CHD1L: variants seen among roughly 807,000 people sequenced by gnomAD.
CHD1L encodes ATP-dependent chromatin remodeler CHD1L.
Under a neutral mutation model 115.9 loss-of-function variants are expected in CHD1L, and 118 were observed. The observed-to-expected ratio is 1.02, with a 90% CI of 0.88 to 1.19. CHD1L has a LOEUF of 1.19. Among genes scored for constraint, CHD1L ranks in the 50% most tolerant of loss-of-function variants. The pLI is 0.00. For synonymous variants in CHD1L, 411 were observed against 387.1 expected, an observed-to-expected ratio of 1.06 and a Z score of -0.72; for missense variants, 1,179 against 1,065.3, an observed-to-expected ratio of 1.11 and a Z score of -1.49.
intron 7 of CHD1L, 128 bp downstream of exon 7, chr1:147,264,712 CT>C (rs1673223773): frequency 3.4e-6 from 3 of 889,604 alleles, no homozygotes. Context: ...AGACAGACCG[CT>C]GATATTAGGG....
intron 20 of CHD1L, among the ~76,000 whole-genome samples, chr1:147,292,702 C>T (rs7519713): frequency 0.04 from 6,160 of 152,272 alleles, 169 homozygotes; most frequent in South Asian, 0.097. Flanking sequence ...GTGTATCACA[C>T]ATGGCAAGAG....
chr1:147,180,413 T>G, the CHD1L span, among the ~76,000 whole-genome samples: 1 of 152,112 alleles, frequency 6.6e-6, no homozygotes, highest in African/African-American at 2.4e-5. Context: ...TGCCTCAGCC[T>G]CCTGAGTAGC....
At chr1:147,196,472 C>T in the CHD1L span, among the ~76,000 whole-genome samples, 4 of 151,646 alleles carry the variant, frequency 2.6e-5, no homozygotes, top group African/African-American at 9.7e-5. Flanking sequence ...GTGGGAGACA[C>T]CCAATTCATA....
intron 19 of CHD1L, among the ~76,000 whole-genome samples, chr1:147,288,194 G>A (rs901947786): frequency 6.6e-6 from 1 of 151,782 alleles, no homozygotes; most frequent in Non-Finnish European, 1.5e-5. Context: ...ATGTGGTGGT[G>A]CATGCCCGTA....
In CHD1L at chr1:147,257,389, CTAG is replaced by C. The variant is rs3835482; in HGVS notation, c.494+830_494+832del. On this transcript the variant is annotated intron_variant, in intron 5 of 22. Coordinates refer to ENST00000369258, the MANE Select transcript of CHD1L (RefSeq NM_004284.6). ...AGGTCATAGATTTCATGACTTCTAT[CTAG>C]TATTTCATTTAAGTGAGCATATTAT... Among the ~76,000 whole-genome samples the C allele has an allele frequency of 6.2e-4, 94 of 152,054 alleles. No individual in the cohort carries two copies. In the East Asian group the frequency reaches 0.017, roughly 28 times the overall value.
the CHD1L span, among the ~76,000 whole-genome samples, chr1:147,193,396 T>G: frequency 2.0e-5 from 3 of 152,152 alleles, no homozygotes; most frequent in Admixed American, 2.0e-4. Context: ...GATTCTTCTC[T>G]TTTCTTCTTT....
chr1:147,203,823 T>C, the CHD1L span: 1 of 1,558,840 alleles, frequency 6.4e-7, no homozygotes, highest in Non-Finnish European at 8.8e-7. Context: ...GTAGAAATGA[T>C]GCCATCTTCC....
intron 11 of CHD1L, 61 bp downstream of exon 11, chr1:147,271,066 TC>T: frequency 7.5e-7 from 1 of 1,333,884 alleles, no homozygotes; most frequent in African/African-American, 1.4e-5. Context: ...TCCAGATAGG[TC>T]CATGAAGAAT....
At chr1:147,263,245 TAGTG>T (rs1316959267) in intron 6 of CHD1L, among the ~76,000 whole-genome samples, 2 of 151,888 alleles carry the variant, frequency 1.3e-5, no homozygotes, top group African/African-American at 2.4e-5. Flanking sequence ...CTGGGCAACA[TAGTG>T]AGACCTTGTC....
the CHD1L span, chr1:147,204,128 C>T: frequency 2.6e-5 from 28 of 1,059,462 alleles, no homozygotes; most frequent in Non-Finnish European, 4.0e-5. Context: ...TTCTCCCTTA[C>T]TTAAATTCAT....
upstream of CHD1L, among the ~76,000 whole-genome samples, chr1:147,239,869 C>T (rs1664714968): frequency 6.6e-6 from 1 of 152,144 alleles, no homozygotes; most frequent in Non-Finnish European, 1.5e-5. Flanking sequence ...GATAAGTCTA[C>T]TGGTAGAATC....
chr1:147,233,046 G>T, the CHD1L span, among the ~76,000 whole-genome samples: 7 of 152,158 alleles, frequency 4.6e-5, 1 homozygote, highest in Middle Eastern at 0.014. Flanking sequence ...TCCCATCTAG[G>T]AAGTGAGGAG....
intron 12 of CHD1L, among the ~76,000 whole-genome samples, chr1:147,273,066 A>G (rs1010761615): frequency 6.6e-6 from 1 of 152,048 alleles, no homozygotes; most frequent in Non-Finnish European, 1.5e-5. Context: ...AGCTGGATGT[A>G]GTGGTGCGTG....
the CHD1L span, chr1:147,179,321 C>T: frequency 6.2e-7 from 1 of 1,606,664 alleles, no homozygotes; most frequent in South Asian, 1.1e-5. Context: ...GAATTTTATG[C>T]CCCTTGGTGT....
At chr1:147,209,470 A>T in the CHD1L span, among the ~76,000 whole-genome samples, 1 of 150,888 alleles carries the variant, frequency 6.6e-6, no homozygotes, top group East Asian at 1.9e-4. Flanking sequence ...CAAACTCATT[A>T]GTCTGGCTTT....
chr1:147,233,094 A>C, the CHD1L span, among the ~76,000 whole-genome samples: 48 of 149,856 alleles, frequency 3.2e-4, 1 homozygote, highest in East Asian at 8.7e-3. Flanking sequence ...AGATGTGGGG[A>C]GTGCCTCTGC....
chr1:147,290,744 C>G (rs899841332), intron 19 of CHD1L, among the ~76,000 whole-genome samples: 2 of 152,222 alleles, frequency 1.3e-5, no homozygotes, highest in South Asian at 4.1e-4. Flanking sequence ...GCCTCGAACT[C>G]CTTTGCTCAA....
At chr1:147,201,435 C>T in the CHD1L span, 1 of 1,614,152 alleles carries the variant, frequency 6.2e-7, no homozygotes, top group Non-Finnish European at 8.5e-7. Context: ...CATTTCCTTT[C>T]ACTTTCACCA....
intron 12 of CHD1L, 31 bp downstream of exon 12, chr1:147,272,312 C>T (rs782769865): frequency 7.0e-7 from 1 of 1,421,082 alleles, no homozygotes; most frequent in South Asian, 1.1e-5. Context: ...TGGAAACAGA[C>T]AAATGAGGGA....
Sources: gnomAD v4.1 joint callset for allele counts (sites outside exome capture counted in the v4.1 genomes callset) on GRCh38, gnomAD v4.1.1 for gene constraint, MANE v1.5 for transcripts, NCBI Gene and HGNC (gene_info 2026-07-23, HGNC 2026-07-21) for gene names.